Variants in CACNA1H observed in about 807,000 individuals in gnomAD.
CACNA1H encodes voltage-dependent T-type calcium channel subunit alpha-1H.
Under a neutral mutation model 192.5 loss-of-function variants are expected in CACNA1H, and 149 were observed. The observed-to-expected ratio is 0.77, with a 90% CI of 0.68 to 0.89. The LOEUF (loss-of-function observed/expected upper bound fraction) is 0.89. Ranked by LOEUF, CACNA1H falls within the 40% of genes least tolerant of loss-of-function variation. The pLI, the probability that CACNA1H is intolerant of heterozygous loss-of-function variation, is 0.00. For synonymous variants in CACNA1H, 2,202 were observed against 1,475.2 expected (o/e 1.49, Z -11.29); for missense variants, 4,257 against 3,423.5 (o/e 1.24, Z -6.08).
At chr16:1,155,255 G>C (rs1380484765) in intron 2 of CACNA1H, among the ~76,000 whole-genome samples, 3 of 152,232 alleles carry the variant, frequency 2.0e-5, no homozygotes, top group African/African-American at 7.2e-5. Context: ...CCCGGCCAGA[G>C]GGCTGCCTCG....
At position 1,220,951 on chromosome 16, in the gene CACNA1H, C is replaced by T. The variant is rs1466647338; in HGVS notation, c.7019C>T (p.Ser2340Leu). 1.9e-6 allele frequency: 3 copies of T among 1,606,508 alleles called. No individual in the cohort carries two copies. The highest frequency in any genetic ancestry group is 2.7e-5 in the African/African-American group (2 of 74,648). ...QCPLEKPGSP[S>L]ATPAPGGGAD... is the part of the protein sequence containing the mutation. Reference sequence around the variant, plus strand: ...CCTCTGGAGAAACCAGGGTCCCCCTCAGCCACCCCTGCCCCAGGGGGTGGT... The same window carrying T: ...CCTCTGGAGAAACCAGGGTCCCCCTTAGCCACCCCTGCCCCAGGGGGTGGT... The change falls in exon 35 of 35, where the codon TCA (serine) becomes TTA (leucine). Residue 2340 changes from serine (S) to leucine (L), a missense_variant. Ser to Leu is a moderately radical substitution (Grantham distance 145). Transcript: ENST00000348261.
At position 1,214,985 on chromosome 16, in the gene CACNA1H, C is replaced by A; in HGVS notation, c.4943C>A (p.Ala1648Asp). The A allele has an allele frequency of 6.2e-7, 1 of 1,609,308 alleles. No individual in the cohort carries two copies. The highest frequency in any genetic ancestry group is 8.5e-7 in the Non-Finnish European group (1 of 1,177,810). Residue 1648 changes from alanine to aspartate, a missense_variant, in exon 28 of 35, where the codon GCC (alanine) becomes GAC (aspartate). Ala to Asp is a moderately radical substitution (Grantham distance 126). Coordinates refer to ENST00000348261, the MANE Select transcript of CACNA1H (RefSeq NM_021098.3). ...HYNQPKSLDE[A>D]LKYCNYVFTI... Reference sequence around the variant, plus strand: ...CTCCACCCCCAGTCGCTGGACGAGGCCCTCAAGTACTGCAACTACGTCTTC... The same window carrying A: ...CTCCACCCCCAGTCGCTGGACGAGGACCTCAAGTACTGCAACTACGTCTTC...
intron 2 of CACNA1H, among the ~76,000 whole-genome samples, chr16:1,163,877 C>G (rs1223994355): frequency 6.6e-6 from 1 of 152,214 alleles, no homozygotes; most frequent in African/African-American, 2.4e-5. Context: ...AGAAGCTGGG[C>G]TATGTGGCGG....
At chr16:1,205,378 T>G in intron 11 of CACNA1H, 113 bp downstream of exon 11, 2 of 1,176,398 alleles carry the variant, frequency 1.7e-6, no homozygotes, top group Non-Finnish European at 2.4e-6. Context: ...ACGATAGCTC[T>G]TTATGACAGG....
rs1292896960 is a variant in CACNA1H at position 1,218,438 on chromosome 16, C to A, written c.5674C>A (p.Arg1892Ser). The A allele has an allele frequency of 6.4e-7, 1 of 1,552,662 alleles. No individual in the cohort carries two copies. The highest frequency in any genetic ancestry group is 2.0e-5 in the Admixed American group (1 of 51,248). Residue 1892 changes from arginine (R) to serine (S), a missense_variant, in exon 33 of 35, where the codon CGC (arginine) becomes AGC (serine). By Grantham distance (110) the Arg-to-Ser change is moderately radical (BLOSUM62 -1). Transcript: ENST00000348261. The stretch of plus-strand genomic sequence containing the variant: ...GATGGCGCAGGGCCCCGGGAGTGCA[C>A]GCCGGGTGGACGCGGACAGGCCTCC... ...LEMAQGPGSA[R>S]RVDADRPPLP...
intron 2 of CACNA1H, among the ~76,000 whole-genome samples, chr16:1,187,439 TCTC>T (rs1348340752): frequency 2.6e-5 from 4 of 152,192 alleles, no homozygotes; most frequent in Non-Finnish European, 4.4e-5. Context: ...GCTCTGGGCT[TCTC>T]CTTCCTGCTG....
chr16:1,156,369 T>C (rs1171128364), intron 2 of CACNA1H, among the ~76,000 whole-genome samples: 1 of 152,318 alleles, frequency 6.6e-6, no homozygotes, highest in Non-Finnish European at 1.5e-5. Flanking sequence ...ATGCCTGGCC[T>C]GTAGCGAGGG....
intron 2 of CACNA1H, among the ~76,000 whole-genome samples, chr16:1,165,420 C>T (rs1963659022): frequency 6.6e-6 from 1 of 152,216 alleles, no homozygotes; most frequent in Non-Finnish European, 1.5e-5. Flanking sequence ...CCGTGGAAAT[C>T]TGGGTCACTC....
chr16:1,189,774 C>T (rs1966431380), intron 2 of CACNA1H, among the ~76,000 whole-genome samples: 1 of 152,014 alleles, frequency 6.6e-6, no homozygotes, highest in East Asian at 1.9e-4. Flanking sequence ...GGGTACTGTG[C>T]CTGAGGAGTA....
intron 2 of CACNA1H, among the ~76,000 whole-genome samples, chr16:1,164,575 C>A (rs1244460159): frequency 6.6e-6 from 1 of 152,242 alleles, no homozygotes; most frequent in East Asian, 1.9e-4. Flanking sequence ...GCAGCGTGGG[C>A]ACAGGGGCGA....
chr16:1,195,239 G>A (rs1485545021), intron 3 of CACNA1H, among the ~76,000 whole-genome samples, 156 bp downstream of exon 3: 2 of 147,898 alleles, frequency 1.4e-5, no homozygotes, highest in African/African-American at 2.5e-5. Flanking sequence ...GGCGCGAGGT[G>A]GGGCTGGGGG....
At chr16:1,160,943 T>A (rs979238668) in intron 2 of CACNA1H, among the ~76,000 whole-genome samples, 3 of 151,890 alleles carry the variant, frequency 2.0e-5, no homozygotes, top group African/African-American at 7.3e-5. Context: ...CCCCCCAGCC[T>A]CGGTGCAGCC....
At chr16:1,177,177 C>T (rs76414543) in intron 2 of CACNA1H, among the ~76,000 whole-genome samples, 2,818 of 152,302 alleles carry the variant, frequency 0.019, 95 homozygotes, top group African/African-American at 0.064. Context: ...CTCGGACTCT[C>T]GGACCCTTGG....
chr16:1,169,221 G>A (rs1369404316), intron 2 of CACNA1H, among the ~76,000 whole-genome samples: 4 of 152,102 alleles, frequency 2.6e-5, no homozygotes, highest in Non-Finnish European at 4.4e-5. Context: ...GAACGTGGAC[G>A]TGGACGTGGA....
Position 1,212,710 on chromosome 16 carries a change from A to G in CACNA1H, c.4777+182A>G, listed in dbSNP as rs60416573. On this transcript the variant is annotated intron_variant, in intron 26 of 34. Coordinates refer to ENST00000348261, the MANE Select transcript of CACNA1H (RefSeq NM_021098.3). ...AGTGTCCGGGCTGCTGTGTGCGTGC[A>G]CGCGTGCGGCTCTGCCCGGCTCACA... Among the ~76,000 whole-genome samples the G allele has an allele frequency of 0.01, 1,541 of 152,168 alleles. 27 individuals carry two copies. The highest frequency in any genetic ancestry group is 0.035 in the African/African-American group (1,454 of 41,520).
chr16:1,193,013 C>T (rs1966751428), intron 2 of CACNA1H, among the ~76,000 whole-genome samples: 2 of 152,132 alleles, frequency 1.3e-5, no homozygotes. Context: ...ATGCCCTGTG[C>T]CCAGGGAGAG....
In CACNA1H at chr16:1,211,977, T is replaced by C; in HGVS notation, c.4598T>C (p.Leu1533Pro). The C allele has an allele frequency of 1.2e-6, 2 of 1,613,534 alleles. No individual in the cohort carries two copies. Among genetic ancestry groups the C allele is most frequent in the Non-Finnish European group, 1.7e-6 (2 of 1,179,672 alleles). The change falls in exon 25 of 35, where the codon CTG becomes CCG. Residue 1533 changes from leucine (L) to proline (P), a missense_variant. By Grantham distance (98) the Leu-to-Pro change is moderately conservative. Coordinates refer to ENST00000348261, the MANE Select transcript of CACNA1H (RefSeq NM_021098.3). ...PVQNHNPWML[L>P]YFISFLLIVS... ...CAGAACCACAACCCCTGGATGCTGC[T>C]GTACTTCATCTCCTTCCTGCTCATC...
At chr16:1,203,627 T>C (rs1968273359) in intron 9 of CACNA1H, among the ~76,000 whole-genome samples, 1 of 152,176 alleles carries the variant, frequency 6.6e-6, no homozygotes, top group African/African-American at 2.4e-5. Flanking sequence ...AATCCAGGCC[T>C]TGCAGGGTTG....
rs769876227 is a variant in CACNA1H at position 1,210,475 on chromosome 16, C to G, written c.3951C>G (p.Asp1317Glu). The change falls in exon 19 of 35, where the codon GAC becomes GAG. Residue 1317 changes from aspartate to glutamate, a missense_variant. Physicochemically the swap from Asp to Glu is conservative, Grantham distance 45 (BLOSUM62 2). Coordinates refer to ENST00000348261, the MANE Select transcript of CACNA1H (RefSeq NM_021098.3). ...TCACCATCGCCCTGGAGAGGCCTGACATTGATCCCGGCAGCACCGTGAGTC... is the reference window on the plus strand; with the variant it reads ...TCACCATCGCCCTGGAGAGGCCTGAGATTGATCCCGGCAGCACCGTGAGTC... ...NCVTIALERP[D>E]IDPGSTERVF... 1 of 1,612,218 alleles carries G rather than the reference C, an allele frequency of 6.2e-7. No homozygotes were observed. Among genetic ancestry groups the G allele is most frequent in the African/African-American group, 1.3e-5 (1 of 74,984 alleles).
Sources: allele counts gnomAD v4.1 joint callset (sites outside exome capture counted in the v4.1 genomes callset), GRCh38; gene constraint gnomAD v4.1.1; transcripts MANE v1.5; gene names NCBI Gene and HGNC (gene_info 2026-07-23, HGNC 2026-07-21).